FAXC: variants seen among roughly 807,000 people sequenced by gnomAD.
FAXC encodes failed axon connections homolog.
Under a neutral mutation model 41.9 loss-of-function variants are expected in FAXC, and 10 were observed. The observed-to-expected ratio is 0.24, with a 90% CI of 0.15 to 0.41. The LOEUF (loss-of-function observed/expected upper bound fraction) is 0.41. Ranked by LOEUF, FAXC falls within the 10% of genes least tolerant of loss-of-function variation. The pLI is 1.00. For missense variants in FAXC, 399 were observed against 510.9 expected (o/e 0.78, Z 2.11); for synonymous variants, 183 against 183.8 (o/e 1.00, Z 0.03).
At chr6:99,316,157 G>A (rs1050010815) in intron 4 of FAXC, among the ~76,000 whole-genome samples, 1 of 146,270 alleles carries the variant, frequency 6.8e-6, no homozygotes, top group South Asian at 2.2e-4. Context: ...TAACCCACTC[G>A]CCCCCCCCCA....
chr6:99,297,609 C>T (rs1389284931), intron 4 of FAXC, among the ~76,000 whole-genome samples: 1 of 152,160 alleles, frequency 6.6e-6, no homozygotes, highest in Admixed American at 6.5e-5. Context: ...GCTGTTTGCT[C>T]ACTGCCTGGC....
chr6:99,350,016 C>T (rs564910007), upstream of FAXC: 1 of 152,260 alleles, frequency 6.6e-6, no homozygotes, highest in Non-Finnish European at 1.5e-5. Context: ...CAGGACTCAC[C>T]TGGGGCGGCG....
At chr6:99,326,183 A>T (rs1772796296) in intron 3 of FAXC, among the ~76,000 whole-genome samples, 1 of 152,244 alleles carries the variant, frequency 6.6e-6, no homozygotes, top group African/African-American at 2.4e-5. Context: ...GACAAGAAAC[A>T]TAATCAGATT....
chr6:99,307,211 C>T (rs980762857), intron 4 of FAXC, among the ~76,000 whole-genome samples: 2 of 152,124 alleles, frequency 1.3e-5, no homozygotes, highest in Non-Finnish European at 2.9e-5. Context: ...GATGCAGTGG[C>T]TCTTAGAGTA....
chr6:99,341,388 G>A (rs941868734), intron 2 of FAXC, among the ~76,000 whole-genome samples: 4 of 151,942 alleles, frequency 2.6e-5, no homozygotes, highest in Non-Finnish European at 4.4e-5. Context: ...GAGAGAGGGC[G>A]AGAAAAAGAG....
At position 99,292,159 on chromosome 6, in the gene FAXC, A is replaced by C. The variant is rs78220766; in HGVS notation, c.824-339T>G. On this transcript the variant is annotated intron_variant, in intron 4 of 5. Transcript: ENST00000389677. ...TCAAGTAAAGCCTGTGATGCTTAAG[A>C]ACACCTGGAAGTTTGCTTAAATCAT... 7.9e-5 allele frequency among the ~76,000 whole-genome samples: 12 copies of C among 152,282 alleles called. No homozygotes were observed. In the East Asian group the frequency reaches 1.7e-3, roughly 22 times the overall value.
intron 4 of FAXC, among the ~76,000 whole-genome samples, chr6:99,322,469 G>C (rs1433874683): frequency 6.6e-6 from 1 of 152,146 alleles, no homozygotes; most frequent in African/African-American, 2.4e-5. Context: ...TCCTAGCAGA[G>C]GTGAGGTACT....
chr6:99,302,404 C>T (rs1582639030), intron 4 of FAXC, among the ~76,000 whole-genome samples: 1 of 152,168 alleles, frequency 6.6e-6, no homozygotes, highest in Non-Finnish European at 1.5e-5. Context: ...ACCTGTAATC[C>T]CAGCACTTTG....
At chr6:99,291,634 C>T (rs1435522597) in intron 5 of FAXC, 70 bp downstream of exon 5, 36 of 1,069,908 alleles carry the variant, frequency 3.4e-5, no homozygotes, top group Non-Finnish European at 5.1e-5. Flanking sequence ...CTAGAATTCT[C>T]CACTGTGCTA....
At chr6:99,343,160 G>T in intron 1 of FAXC, 127 bp from the exon 2 acceptor site, 1 of 774,410 alleles carries the variant, frequency 1.3e-6, no homozygotes, top group Non-Finnish European at 2.0e-6. Context: ...TGTCACAGGG[G>T]CTTACATCAC....
At chr6:99,325,926 A>G (rs957004231) in intron 3 of FAXC, among the ~76,000 whole-genome samples, 12 of 152,362 alleles carry the variant, frequency 7.9e-5, no homozygotes, top group African/African-American at 2.6e-4. Flanking sequence ...TACAGATTTG[A>G]TCATAAGCAT....
chr6:99,288,067 T>C (rs1305366156), intron 5 of FAXC, among the ~76,000 whole-genome samples: 2 of 152,238 alleles, frequency 1.3e-5, no homozygotes, highest in Non-Finnish European at 2.9e-5. Context: ...TCCAAAAGGC[T>C]GATCATTTCT....
intron 4 of FAXC, among the ~76,000 whole-genome samples, chr6:99,321,187 C>T (rs1205323229): frequency 6.6e-6 from 1 of 152,200 alleles, no homozygotes; most frequent in Non-Finnish European, 1.5e-5. Context: ...CTTCATATTC[C>T]TCAGCTCCTG....
At chr6:99,291,544 C>T (rs907284933) in intron 5 of FAXC, among the ~76,000 whole-genome samples, 160 bp downstream of exon 5, 2 of 152,204 alleles carry the variant, frequency 1.3e-5, no homozygotes, top group African/African-American at 4.8e-5. Context: ...CCAAAGTATC[C>T]TGAGTACAGA....
At chr6:99,350,018 G>C (rs1340289962), upstream of FAXC, 1 of 152,268 alleles carries the variant, frequency 6.6e-6, no homozygotes, top group Non-Finnish European at 1.5e-5. Context: ...GGACTCACCT[G>C]GGGCGGCGCG....
chr6:99,344,487 T>G (rs1246177147), intron 1 of FAXC, among the ~76,000 whole-genome samples: 3 of 152,100 alleles, frequency 2.0e-5, no homozygotes, highest in Non-Finnish European at 4.4e-5. Flanking sequence ...GCCCACTTCC[T>G]GCAGATCCCC....
chr6:99,347,963 C>T (rs1293970843), intron 1 of FAXC, among the ~76,000 whole-genome samples: 2 of 152,236 alleles, frequency 1.3e-5, no homozygotes, highest in East Asian at 1.9e-4. Context: ...ATATGAAAAC[C>T]AATACATTTC....
At chr6:99,329,452 A>G (rs1438939385) in intron 3 of FAXC, among the ~76,000 whole-genome samples, 1 of 152,208 alleles carries the variant, frequency 6.6e-6, no homozygotes, top group Non-Finnish European at 1.5e-5. Flanking sequence ...CAATTTGATG[A>G]CTGAGTATCA....
Position 99,275,677 on chromosome 6 carries a change from C to CCAGCA in FAXC, c.*5486_*5487insTGCTG, listed in dbSNP as rs1562140914. 2 of 152,118 alleles carry CCAGCA rather than the reference C, an allele frequency of 1.3e-5. No homozygotes were observed. The highest frequency in any genetic ancestry group is 2.9e-5 in the Non-Finnish European group (2 of 68,038). The allele number at this position is 152,118 out of a possible 1,614,324, so 9.4% of individuals were successfully genotyped here. ...CAGTGCCCTCTGTAATCATCTCTAA[C>CCAGCA]TGGCAAGGCTAACGTTGCTGGTTCC... On this transcript the variant is annotated 3_prime_UTR_variant, in exon 6 of 6. Coordinates refer to ENST00000389677, the MANE Select transcript of FAXC (RefSeq NM_032511.4).
Sources: gnomAD v4.1 joint callset for allele counts (sites outside exome capture counted in the v4.1 genomes callset) on GRCh38, gnomAD v4.1.1 for gene constraint, MANE v1.5 for transcripts, NCBI Gene and HGNC (gene_info 2026-07-23, HGNC 2026-07-21) for gene names.